Variants in KIF26B observed in about 807,000 individuals in gnomAD.
KIF26B encodes kinesin family member 26B.
Under a neutral mutation model 151.2 loss-of-function variants are expected in KIF26B, and 63 were observed. That is an observed-to-expected ratio of 0.42 (90% CI 0.34 to 0.51). The LOEUF is 0.51. Among genes scored for constraint, KIF26B ranks in the 20% least tolerant of loss-of-function variants. KIF26B has a pLI of 0.07. For missense variants in KIF26B, 2,813 were observed against 2,913.6 expected (o/e 0.97, Z 0.79); for synonymous variants, 1,357 against 1,262.1 (o/e 1.08, Z -1.59).
intron 2 of KIF26B, among the ~76,000 whole-genome samples, chr1:245,246,793 G>A (rs1053145602): frequency 6.6e-5 from 10 of 151,870 alleles, no homozygotes; most frequent in African/African-American, 2.2e-4. Flanking sequence ...CGTATGCAGA[G>A]CTGTGTACTG....
At chr1:245,322,926 A>C (rs1342844121) in intron 2 of KIF26B, among the ~76,000 whole-genome samples, 1 of 152,202 alleles carries the variant, frequency 6.6e-6, no homozygotes, top group Non-Finnish European at 1.5e-5. Flanking sequence ...AAACACCTCT[A>C]GCTCATGGAT....
chr1:245,169,334 T>TGG (rs752167803), intron 2 of KIF26B, among the ~76,000 whole-genome samples: 1,765 of 147,270 alleles, frequency 0.012, 9 homozygotes, highest in Non-Finnish European at 0.017. Flanking sequence ...CCATGGTGTG[T>TGG]GTGTGTGTGT....
chr1:245,521,684 C>T (rs1331013231), intron 4 of KIF26B, among the ~76,000 whole-genome samples: 1 of 152,120 alleles, frequency 6.6e-6, no homozygotes, highest in Non-Finnish European at 1.5e-5. Flanking sequence ...TCTGACCATC[C>T]ACTCATCCGT....
chr1:245,558,749 C>T (rs988988716), intron 5 of KIF26B, among the ~76,000 whole-genome samples: 1 of 152,196 alleles, frequency 6.6e-6, no homozygotes. Context: ...AACATAACGT[C>T]GGGGAAAACT....
chr1:245,544,676 A>C (rs1284078577), intron 5 of KIF26B, among the ~76,000 whole-genome samples: 1 of 152,200 alleles, frequency 6.6e-6, no homozygotes, highest in Non-Finnish European at 1.5e-5. Flanking sequence ...ATGACCCTTG[A>C]CAATTTGGGG....
chr1:245,693,353 G>A (rs1028224954), intron 12 of KIF26B, among the ~76,000 whole-genome samples: 2 of 152,198 alleles, frequency 1.3e-5, no homozygotes, highest in East Asian at 1.9e-4. Context: ...CCTGTTCTGC[G>A]CTCGACCCAG....
chr1:245,466,200 T>C (rs1002348559), intron 4 of KIF26B, among the ~76,000 whole-genome samples: 3 of 152,100 alleles, frequency 2.0e-5, no homozygotes, highest in Non-Finnish European at 4.4e-5. Flanking sequence ...TGTTTGTTTG[T>C]TTGTTTGTTT....
chr1:245,390,465 A>T (rs1208754424), intron 3 of KIF26B, among the ~76,000 whole-genome samples: 1 of 152,076 alleles, frequency 6.6e-6, no homozygotes, highest in Non-Finnish European at 1.5e-5. Flanking sequence ...AGCCTCCCAA[A>T]GTGCTAGGAT....
intron 9 of KIF26B, among the ~76,000 whole-genome samples, chr1:245,613,672 T>C (rs952215882): frequency 1.3e-5 from 2 of 152,180 alleles, no homozygotes; most frequent in African/African-American, 4.8e-5. Flanking sequence ...AGCCTCCTCG[T>C]GGCTCAAAAG....
At chr1:245,694,329 T>C (rs1381147688) in intron 12 of KIF26B, among the ~76,000 whole-genome samples, 3 of 152,266 alleles carry the variant, frequency 2.0e-5, no homozygotes. Flanking sequence ...CTTTCAACAT[T>C]AGTGCCTCGT....
At position 245,702,416 on chromosome 1, in the gene KIF26B, C is replaced by CTGTT. The variant is rs779606755; in HGVS notation, c.6179-39_6179-36dup. 1.1e-5 allele frequency: 17 copies of CTGTT among 1,610,898 alleles called. No individual in the cohort carries two copies. The highest frequency in any genetic ancestry group is 1.4e-5 in the Non-Finnish European group (17 of 1,177,800). ...GAGCCGTCGGGAGTTGCTTCTCACCCTGTTTGCTCTGCGTCTCCATCAGGC... is the reference window on the plus strand; with the variant it reads ...GAGCCGTCGGGAGTTGCTTCTCACCCTGTTTGTTTGCTCTGCGTCTCCATCAGGC... On this transcript the variant is annotated intron_variant, in intron 14 of 14. Transcript: ENST00000407071. The surrounding 1 kb of genome is among the most constrained non-coding windows in gnomAD (Gnocchi z 4.1).
intron 5 of KIF26B, among the ~76,000 whole-genome samples, chr1:245,577,457 C>T (rs917516903): frequency 6.6e-6 from 1 of 152,200 alleles, no homozygotes; most frequent in African/African-American, 2.4e-5. Flanking sequence ...AAGAGCACTT[C>T]CACAATCTCC....
chr1:245,547,989 A>G (rs1433030858), intron 5 of KIF26B, among the ~76,000 whole-genome samples: 1 of 152,036 alleles, frequency 6.6e-6, no homozygotes, highest in Non-Finnish European at 1.5e-5. Context: ...TGCATTTCCT[A>G]CTTCTCTGAA....
chr1:245,648,511 T>C (rs757674426), intron 10 of KIF26B, among the ~76,000 whole-genome samples: 19 of 151,924 alleles, frequency 1.3e-4, no homozygotes, highest in Non-Finnish European at 2.4e-4. Flanking sequence ...GTTGCATGGT[T>C]GTAGTCCCAG....
At chr1:245,579,831 A>C (rs2043157453) in intron 5 of KIF26B, among the ~76,000 whole-genome samples, 1 of 151,772 alleles carries the variant, frequency 6.6e-6, no homozygotes, top group Non-Finnish European at 1.5e-5. Flanking sequence ...CTGGGCAACA[A>C]GAGTGAAACT....
At chr1:245,685,181 T>C (rs1189927579) in intron 11 of KIF26B, among the ~76,000 whole-genome samples, 1 of 152,246 alleles carries the variant, frequency 6.6e-6, no homozygotes, top group Non-Finnish European at 1.5e-5. Context: ...TGAGCAGCTG[T>C]TTCCCCAGCG....
At chr1:245,584,760 T>C (rs965155471) in intron 5 of KIF26B, among the ~76,000 whole-genome samples, 3 of 152,200 alleles carry the variant, frequency 2.0e-5, no homozygotes, top group Admixed American at 1.3e-4. Context: ...CAAATAAATA[T>C]AGATCCAGGA....
At chr1:245,549,298 G>A (rs1197674262) in intron 5 of KIF26B, among the ~76,000 whole-genome samples, 1 of 152,186 alleles carries the variant, frequency 6.6e-6, no homozygotes, top group Non-Finnish European at 1.5e-5. Flanking sequence ...GAGATAAAAT[G>A]AGGGAATTCT....
intron 4 of KIF26B, among the ~76,000 whole-genome samples, chr1:245,509,019 A>G (rs1407891511): frequency 2.0e-5 from 3 of 152,250 alleles, no homozygotes; most frequent in African/African-American, 7.2e-5. Context: ...AAATGGAGGT[A>G]GATGTTCAGT....
Sources: allele counts gnomAD v4.1 joint callset (sites outside exome capture counted in the v4.1 genomes callset), GRCh38; gene constraint gnomAD v4.1.1; non-coding constraint Gnocchi (gnomAD v3.1); transcripts MANE v1.5; gene names NCBI Gene and HGNC (gene_info 2026-07-23, HGNC 2026-07-21).